Variants in C11orf65 observed in about 807,000 individuals in gnomAD.
The protein encoded by C11orf65 is protein MFI.
C11orf65 carries 38 observed loss-of-function variants against 35.3 expected under a neutral mutation model. The observed-to-expected ratio is 1.08, with a 90% CI of 0.83 to 1.41. The LOEUF is 1.41. Ranked by LOEUF, C11orf65 falls within the 40% of genes most tolerant of loss-of-function variation. The pLI is 0.00. For synonymous variants in C11orf65, 105 were observed against 114.4 expected, an observed-to-expected ratio of 0.92 and a Z score of 0.53; for missense variants, 370 against 367.1, an observed-to-expected ratio of 1.01 and a Z score of -0.06.
At chr11:108,379,964 C>G (rs2091834174), downstream of C11orf65, among the ~76,000 whole-genome samples, 1 of 152,086 alleles carries the variant, frequency 6.6e-6, no homozygotes, top group South Asian at 2.1e-4. Flanking sequence ...AGTAGATACC[C>G]ATTACATGAG....
intron 2 of C11orf65, among the ~76,000 whole-genome samples, chr11:108,364,036 T>C (rs2091080274): frequency 6.6e-6 from 1 of 152,142 alleles, no homozygotes; most frequent in African/African-American, 2.4e-5. Context: ...ACAAGCTACA[T>C]GTAATCAAGC....
chr11:108,453,010 G>A (rs1297084243), intron 2 of C11orf65, among the ~76,000 whole-genome samples: 1 of 112,870 alleles, frequency 8.9e-6, no homozygotes, highest in Non-Finnish European at 1.8e-5. Flanking sequence ...TGGGGTGGGG[G>A]GAGGGGGGAG....
chr11:108,336,939 G>T (rs1209778505), intron 2 of C11orf65, among the ~76,000 whole-genome samples: 2 of 152,142 alleles, frequency 1.3e-5, no homozygotes, highest in Non-Finnish European at 2.9e-5. Flanking sequence ...TTTCATTCCT[G>T]TACCTCATTT....
chr11:108,394,171 C>T (rs551765555), intron 6 of C11orf65, among the ~76,000 whole-genome samples: 1 of 127,742 alleles, frequency 7.8e-6, no homozygotes, highest in East Asian at 2.2e-4. Flanking sequence ...CAGAGCAAGA[C>T]TCCATCTCAA....
At chr11:108,430,127 CTTT>C (rs34005627) in intron 3 of C11orf65, among the ~76,000 whole-genome samples, 12 of 113,402 alleles carry the variant, frequency 1.1e-4, no homozygotes, top group Admixed American at 3.0e-4. Context: ...GAACTGTATT[CTTT>C]TTTTTTTTTT....
At chr11:108,329,301 A>G (rs1053188840), downstream of C11orf65, 9 of 1,421,482 alleles carry the variant, frequency 6.3e-6, no homozygotes, top group Middle Eastern at 2.0e-4. Flanking sequence ...GTGTTTTTGC[A>G]TAGAAAGAGT....
chr11:108,445,001 T>C (rs1161141894), intron 2 of C11orf65, among the ~76,000 whole-genome samples: 2 of 152,174 alleles, frequency 1.3e-5, no homozygotes, highest in African/African-American at 2.4e-5. Context: ...GGAGTCTTGC[T>C]GATTGCTAGC....
chr11:108,337,153 G>T (rs992922838), intron 2 of C11orf65, among the ~76,000 whole-genome samples: 1 of 152,150 alleles, frequency 6.6e-6, no homozygotes, highest in Non-Finnish European at 1.5e-5. Flanking sequence ...ATAAAAAGCA[G>T]AACTTGGTTT....
downstream of C11orf65, among the ~76,000 whole-genome samples, chr11:108,379,758 T>C (rs1420857755): frequency 1.3e-5 from 2 of 152,090 alleles, no homozygotes; most frequent in Non-Finnish European, 2.9e-5. Context: ...TACCTAGAAG[T>C]TCCCTTGACA....
At chr11:108,312,630 A>G in intron 6 of C11orf65, 1 of 669,278 alleles carries the variant, frequency 1.5e-6, no homozygotes, top group East Asian at 2.8e-5. Context: ...TCATATATAT[A>G]AAATTATGGT....
At chr11:108,429,996 TAAG>T (rs2092961950) in intron 3 of C11orf65, among the ~76,000 whole-genome samples, 1 of 151,956 alleles carries the variant, frequency 6.6e-6, no homozygotes, top group African/African-American at 2.4e-5. Context: ...GAAGGGAAAA[TAAG>T]GAGTTACTGT....
At chr11:108,412,629 C>T (rs1403558274) in intron 3 of C11orf65, among the ~76,000 whole-genome samples, 1 of 152,118 alleles carries the variant, frequency 6.6e-6, no homozygotes, top group Non-Finnish European at 1.5e-5. Flanking sequence ...CCAGCTACTT[C>T]AGAGGCTGGG....
downstream of C11orf65, chr11:108,327,651 C>T (rs769606850): frequency 3.1e-6 from 5 of 1,613,446 alleles, no homozygotes; most frequent in South Asian, 5.5e-5. Flanking sequence ...ACAGAACAAT[C>T]CCAGCCTAAA....
intron 7 of C11orf65, among the ~76,000 whole-genome samples, chr11:108,392,241 C>A (rs1356717055): frequency 6.6e-6 from 1 of 151,920 alleles, no homozygotes; most frequent in Admixed American, 6.6e-5. Context: ...GAGATGGGGT[C>A]TCGCTATGTT....
chr11:108,340,369 A>G (rs1435033017), intron 2 of C11orf65: 1 of 113,632 alleles, frequency 8.8e-6, no homozygotes, highest in Non-Finnish European at 2.0e-5. Context: ...GTAGATCTGT[A>G]AGATAATGTC....
rs1363457708 is a variant in C11orf65, at chr11:108,460,842, C to T, written c.81+637G>A. On this transcript the variant is annotated intron_variant, in intron 2 of 8. Coordinates refer to ENST00000393084, the MANE Select transcript of C11orf65 (RefSeq NM_152587.5). The stretch of plus-strand genomic sequence containing the variant: ...CCAAGTTCAAGTGATTCTTCTGCCT[C>T]AGCCTCCCGTGTAGCTGGGATTACA... Among the ~76,000 whole-genome samples, 6 of 152,088 alleles carry T rather than the reference C, an allele frequency of 3.9e-5. No homozygotes were observed. In the East Asian group the frequency reaches 1.2e-3, roughly 29 times the overall value.
Position 108,317,102 on chromosome 11 carries a change from T to TA in C11orf65, c.641-8032_641-8031insT, listed in dbSNP as rs113573757. Among the ~76,000 whole-genome samples, 94,132 of 144,440 alleles carry TA rather than the reference T, an allele frequency of 0.65. 31,268 individuals carry two copies. Among genetic ancestry groups the TA allele is most frequent in the African/African-American group, 0.79 (31,099 of 39,340 alleles). The allele number at this position is 144,440 out of a possible 152,430, so 94.8% of individuals were successfully genotyped here. On this transcript the variant is annotated intron_variant, in intron 6 of 6. Coordinates refer to the C11orf65 transcript ENST00000525729. ...GTACACACTACCATACCCAGCTATT[T>TA]TAAAAAAAAAAAAAAATTGTAGAGA... is the stretch of plus-strand genomic sequence containing the variant.
downstream of C11orf65, among the ~76,000 whole-genome samples, chr11:108,328,331 C>G (rs571548341): frequency 3.3e-5 from 5 of 152,348 alleles, no homozygotes; most frequent in South Asian, 1.0e-3. Flanking sequence ...ACTGCAACCT[C>G]TGCCTCCTGG....
downstream of C11orf65, among the ~76,000 whole-genome samples, chr11:108,378,245 A>C (rs924529747): frequency 2.0e-5 from 3 of 150,524 alleles, no homozygotes; most frequent in African/African-American, 7.3e-5. Context: ...ACAAGGCTAC[A>C]GTAACCAAAA....
Sources: gnomAD v4.1 joint callset for allele counts (sites outside exome capture counted in the v4.1 genomes callset) on GRCh38, gnomAD v4.1.1 for gene constraint, MANE v1.5 for transcripts, NCBI Gene and HGNC (gene_info 2026-07-23, HGNC 2026-07-21) for gene names.